Variants in UBE2V2 observed in about 807,000 individuals in gnomAD.
UBE2V2 encodes the protein ubiquitin-conjugating enzyme E2 variant 2.
In UBE2V2, 9 loss-of-function variants were observed where a neutral mutation model predicts 17.2. That is an observed-to-expected ratio of 0.52 (90% CI 0.32 to 0.91). The LOEUF (loss-of-function observed/expected upper bound fraction) is 0.91, where lower values mean the gene tolerates loss of function less well. Ranked by LOEUF, UBE2V2 falls within the 40% of genes least tolerant of loss-of-function variation. The pLI, the probability that UBE2V2 is intolerant of heterozygous loss-of-function variation, is 0.04. For missense variants in UBE2V2, 133 were observed against 182.6 expected (o/e 0.73, Z 1.56); for synonymous variants, 61 against 57.5 (o/e 1.06, Z -0.28).
At chr8:48,022,379 A>G (rs1273872918) in intron 1 of UBE2V2, among the ~76,000 whole-genome samples, 3 of 151,864 alleles carry the variant, frequency 2.0e-5, no homozygotes. Flanking sequence ...CAGGTAATCC[A>G]CCTGCCTTGG....
chr8:48,007,148 A>G (rs1189520075), upstream of UBE2V2, among the ~76,000 whole-genome samples: 1 of 151,868 alleles, frequency 6.6e-6, no homozygotes, highest in Non-Finnish European at 1.5e-5. Flanking sequence ...TCCGCCTCCC[A>G]AAGTGCTGGG....
intron 3 of UBE2V2, 44 bp downstream of exon 3, chr8:48,050,022 AG>A: frequency 3.8e-6 from 5 of 1,332,220 alleles, no homozygotes; most frequent in Non-Finnish European, 5.1e-6. Context: ...CATAATGTAT[AG>A]AGTTATATAT....
intron 1 of UBE2V2, among the ~76,000 whole-genome samples, chr8:48,031,119 G>C (rs189722029): frequency 6.6e-6 from 1 of 152,078 alleles, no homozygotes; most frequent in African/African-American, 2.4e-5. Flanking sequence ...TGAGCCAGGA[G>C]AAGCACTTGA....
At chr8:48,015,290 T>TGGGTTGAGCCTGGG (rs2091261495) in intron 1 of UBE2V2, among the ~76,000 whole-genome samples, 1 of 151,990 alleles carries the variant, frequency 6.6e-6, no homozygotes, top group Non-Finnish European at 1.5e-5. Context: ...AGGTAGAGTA[T>TGGGTTGAGCCTGGG]GGGTTGAGCC....
intron 1 of UBE2V2, among the ~76,000 whole-genome samples, chr8:48,011,849 T>C (rs2091234336): frequency 6.6e-6 from 1 of 152,188 alleles, no homozygotes; most frequent in South Asian, 2.1e-4. Flanking sequence ...AGACAGGGTC[T>C]CCGTATGTTA....
At chr8:48,044,681 T>C (rs1263323589) in intron 2 of UBE2V2, among the ~76,000 whole-genome samples, 1 of 152,150 alleles carries the variant, frequency 6.6e-6, no homozygotes, top group Non-Finnish European at 1.5e-5. Context: ...TGACTTGGTA[T>C]ATATAATGGA....
In UBE2V2 at chr8:48,063,955, G is replaced by A. The variant is rs893266765; in HGVS notation, c.*3127G>A. ...TTGGAAAATGTAGAGGACACAGCTG[G>A]GAATTATGAATGCTTTTTTCTTAAT... On this transcript the variant is annotated 3_prime_UTR_variant, in exon 4 of 4. Coordinates refer to ENST00000523111, the MANE Select transcript of UBE2V2 (RefSeq NM_003350.3). The A allele has an allele frequency of 6.6e-6, 1 of 152,106 alleles. No individual in the cohort carries two copies. Among genetic ancestry groups the A allele is most frequent in the African/African-American group, 2.4e-5 (1 of 41,408 alleles). 9.4% of individuals were successfully genotyped at this position (152,106 alleles called of 1,614,324 possible). A position where few individuals can be genotyped will look rare whatever the true frequency, so the allele number is the denominator to read the frequency against.
At chr8:48,015,792 C>T (rs2091264323) in intron 1 of UBE2V2, among the ~76,000 whole-genome samples, 1 of 151,898 alleles carries the variant, frequency 6.6e-6, no homozygotes, top group African/African-American at 2.4e-5. Context: ...TCTCCAGGTT[C>T]ATCCATGTTG....
chr8:48,009,068 A>G lies in UBE2V2; in HGVS notation c.16+598A>G, dbSNP rs1159873260. ...AAAAGACCAGAGCAAGATGAAAGCT[A>G]ATTGAAGAACAAGTGGTTTCTTAGA... On this transcript the variant is annotated intron_variant, in intron 1 of 3. Transcript: ENST00000523111. 8.5e-5 allele frequency among the ~76,000 whole-genome samples: 13 copies of G among 152,188 alleles called. No individual in the cohort carries two copies. In the East Asian group the frequency reaches 2.5e-3, roughly 29 times the overall value.
chr8:48,006,071 G>T (rs1250907018), upstream of UBE2V2, among the ~76,000 whole-genome samples: 2 of 152,130 alleles, frequency 1.3e-5, no homozygotes, highest in Non-Finnish European at 2.9e-5. Context: ...TGGTGTTTTA[G>T]TCATGAAGTC....
rs1384747552 is a variant in UBE2V2, at chr8:48,043,171, G to A, written c.155G>A (p.Gly52Glu). Residue 52 changes from glycine (G) to glutamate (E), a missense_variant, in exon 2 of 4, where the codon GGG becomes GAG. Transcript: ENST00000523111. ...TLTRWTGMII[G>E]PPRTNYENRI... ...ACAAGGTGGACAGGCATGATTATTG[G>A]GCCACCAAGGGTCAGTGTTATAAAT... is the stretch of plus-strand genomic sequence containing the variant. 6.6e-7 allele frequency: 1 copy of A among 1,514,950 alleles called. No individual in the cohort carries two copies. Among genetic ancestry groups the A allele is most frequent in the Non-Finnish European group, 8.8e-7 (1 of 1,130,014 alleles). 93.8% of individuals were successfully genotyped at this position (1,514,950 alleles called of 1,614,324 possible).
upstream of UBE2V2, among the ~76,000 whole-genome samples, chr8:48,005,178 C>A (rs1312686211): frequency 1.3e-5 from 2 of 151,992 alleles, no homozygotes; most frequent in African/African-American, 4.8e-5. Flanking sequence ...TAGCCCCCAA[C>A]CCCTGACAGG....
rs1466119993 is a variant in UBE2V2 at position 48,027,913 on chromosome 8, G to T, written c.17-15120G>T. Among the ~76,000 whole-genome samples, 3 of 152,138 alleles carry T rather than the reference G, an allele frequency of 2.0e-5. No homozygotes were observed. In the South Asian group the frequency reaches 6.2e-4, roughly 32 times the overall value. ...CTCTCGCCCAGGCTGGAGTGCAATG[G>T]CGCGGTCTTGGCTCACTGCAACCTC... On this transcript the variant is annotated intron_variant, in intron 1 of 3. Coordinates refer to ENST00000523111, the MANE Select transcript of UBE2V2 (RefSeq NM_003350.3).
At position 48,063,765 on chromosome 8, in the gene UBE2V2, G is replaced by A. The variant is rs1802627161; in HGVS notation, c.*2937G>A. On this transcript the variant is annotated 3_prime_UTR_variant, in exon 4 of 4. Coordinates refer to ENST00000523111, the MANE Select transcript of UBE2V2 (RefSeq NM_003350.3). Reference sequence around the variant, plus strand: ...AAATAGAGAAAATTTATAGCTTTATGTTATTAAAATAATTTATCACACAGA... The same window carrying A: ...AAATAGAGAAAATTTATAGCTTTATATTATTAAAATAATTTATCACACAGA... The A allele has an allele frequency of 1.3e-5, 2 of 152,110 alleles. No homozygotes were observed. Among genetic ancestry groups the A allele is most frequent in the Admixed American group, 1.3e-4 (2 of 15,262 alleles). 9.4% of individuals were successfully genotyped at this position (152,110 alleles called of 1,614,324 possible).
intron 1 of UBE2V2, chr8:48,034,846 C>A (rs546902889): frequency 1.2e-5 from 2 of 160,652 alleles, no homozygotes; most frequent in East Asian, 1.9e-4. Context: ...CTGGGTGGTT[C>A]TTCTGCTGGT....
intron 1 of UBE2V2, among the ~76,000 whole-genome samples, chr8:48,028,290 C>T (rs898440404): frequency 1.3e-5 from 2 of 152,042 alleles, no homozygotes; most frequent in East Asian, 3.9e-4. Flanking sequence ...ACGTTAGCCT[C>T]CAGAGTAGTT....
At chr8:48,039,267 T>C (rs1408527893) in intron 1 of UBE2V2, among the ~76,000 whole-genome samples, 1 of 152,226 alleles carries the variant, frequency 6.6e-6, no homozygotes. Context: ...TGTATATATG[T>C]ATAAAAACTA....
intron 3 of UBE2V2, 86 bp from the exon 4 acceptor site, chr8:48,060,596 A>G (rs928149647): frequency 9.4e-6 from 12 of 1,280,648 alleles, no homozygotes; most frequent in Non-Finnish European, 1.2e-5. Flanking sequence ...AATTTTCAAA[A>G]TCATTCTTAT....
intron 1 of UBE2V2, among the ~76,000 whole-genome samples, chr8:48,012,162 A>G (rs1469305718): frequency 6.6e-6 from 1 of 152,096 alleles, no homozygotes; most frequent in Non-Finnish European, 1.5e-5. Context: ...ATGAATCTTA[A>G]TTACTCCCTT....
Sources: allele counts gnomAD v4.1 joint callset (sites outside exome capture counted in the v4.1 genomes callset), GRCh38; gene constraint gnomAD v4.1.1; transcripts MANE v1.5; gene names NCBI Gene and HGNC (gene_info 2026-07-23, HGNC 2026-07-21).